Variants in ACER1 observed in about 807,000 individuals in gnomAD.
ACER1 encodes alkaline ceramidase 1, also known as CTB-180A7.3.
A neutral mutation model predicts 24.9 loss-of-function variants in ACER1; 28 were observed. The observed-to-expected ratio is 1.13, with a 90% CI of 0.83 to 1.54. The LOEUF is 1.54. ACER1 is among the 40% of genes most tolerant of loss of function. The probability of loss-of-function intolerance (pLI) is 0.00; values close to 1 mark genes in which losing one functional copy is unlikely to be tolerated. For synonymous variants in ACER1, 132 were observed against 131.4 expected (o/e 1.00, Z -0.03); for missense variants, 352 against 349.3 (o/e 1.01, Z -0.06).
In ACER1 at chr19:6,306,471, T is replaced by G; in HGVS notation, c.*243A>C. ...ACACAGAGGAGGAAATGAAAGAGGATGGGGGGGGTCATGGAGGGGAGATGC... is the reference window on the plus strand; with the variant it reads ...ACACAGAGGAGGAAATGAAAGAGGAGGGGGGGGGTCATGGAGGGGAGATGC... On this transcript the variant is annotated 3_prime_UTR_variant, in exon 6 of 6. Transcript: ENST00000301452. The G allele has an allele frequency of 2.2e-6, 1 of 462,458 alleles. No homozygotes were observed. The highest frequency in any genetic ancestry group is 3.9e-6 in the Non-Finnish European group (1 of 256,706). 28.6% of individuals were successfully genotyped at this position (462,458 alleles called of 1,614,324 possible). A position where few individuals can be genotyped will look rare whatever the true frequency, so the allele number is the denominator to read the frequency against.
At chr19:6,355,772 C>T in the ACER1 span, among the ~76,000 whole-genome samples, 1 of 146,378 alleles carries the variant, frequency 6.8e-6, no homozygotes, top group East Asian at 2.0e-4. Flanking sequence ...CCCCACCCGG[C>T]CAGCCGCCCC....
At chr19:6,340,723 T>C in the ACER1 span, among the ~76,000 whole-genome samples, 2 of 151,950 alleles carry the variant, frequency 1.3e-5, no homozygotes, top group African/African-American at 4.8e-5. Context: ...ACCGGAGAAC[T>C]TGAGTGATCA....
Position 6,306,587 on chromosome 19 carries a change from A to T in ACER1, c.*127T>A, listed in dbSNP as rs1475520387. 6.9e-6 allele frequency: 8 copies of T among 1,153,908 alleles called. No individual in the cohort carries two copies. The highest frequency in any genetic ancestry group is 8.5e-6 in the Non-Finnish European group (7 of 825,590). The allele number at this position is 1,153,908 out of a possible 1,614,324, so 71.5% of individuals were successfully genotyped here. ...CAAGGCAGGGCAGCGCAGGACAAGG[A>T]GGACACGGAAGGGGAAACAGAGGAA... is the stretch of plus-strand genomic sequence containing the variant. On this transcript the variant is annotated 3_prime_UTR_variant, in exon 6 of 6. Transcript: ENST00000301452.
chr19:6,326,459 C>G (rs2091662533), intron 1 of ACER1, among the ~76,000 whole-genome samples: 1 of 151,340 alleles, frequency 6.6e-6, no homozygotes, highest in Admixed American at 6.6e-5. Flanking sequence ...GTGATGGGGT[C>G]TTGCTATATT....
chr19:6,334,409 A>G (rs527557412), upstream of ACER1, among the ~76,000 whole-genome samples: 3 of 151,606 alleles, frequency 2.0e-5, no homozygotes, highest in South Asian at 4.2e-4. Context: ...TAGTGGCGCA[A>G]TGTCAGCTCA....
chr19:6,359,937 C>T, the ACER1 span, among the ~76,000 whole-genome samples: 2 of 152,122 alleles, frequency 1.3e-5, no homozygotes, highest in Non-Finnish European at 2.9e-5. Context: ...GTGTCAGGCA[C>T]TATTCTAGAC....
intron 5 of ACER1, 73 bp downstream of exon 5, chr19:6,307,080 G>C (rs2091556029): frequency 7.6e-6 from 12 of 1,588,456 alleles, no homozygotes; most frequent in Non-Finnish European, 1.0e-5. Flanking sequence ...CAGCCCCCAG[G>C]TGCCTACTCC....
intron 4 of ACER1, among the ~76,000 whole-genome samples, chr19:6,308,250 C>T (rs1369442584): frequency 6.6e-6 from 1 of 151,978 alleles, no homozygotes; most frequent in African/African-American, 2.4e-5. Context: ...GCCTGGCCAA[C>T]ATGGCGAAAC....
At chr19:6,354,291 A>G in the ACER1 span, among the ~76,000 whole-genome samples, 4 of 149,740 alleles carry the variant, frequency 2.7e-5, no homozygotes, top group East Asian at 7.9e-4. Flanking sequence ...TGTCTGAGAT[A>G]CTTTTTACTG....
At position 6,306,781 on chromosome 19, in the gene ACER1, C is replaced by T. The variant is rs1178832323; in HGVS notation, c.728G>A (p.Trp243Ter). ...CCCCACGGGCCAACTGTCCCGAGGCCAGTAGCGGACTTTGAGGGTTTCACC... is the reference window on the plus strand; with the variant it reads ...CCCCACGGGCCAACTGTCCCGAGGCTAGTAGCGGACTTTGAGGGTTTCACC... ...MPGETLKVRY[W>*]PRDSWPVGLP... Residue 243 changes from tryptophan (W) to a stop codon, truncating the protein, a stop_gained, in exon 6 of 6, where the codon TGG (tryptophan) becomes TAG (stop). Transcript: ENST00000301452. LOFTEE classifies it high-confidence loss of function. 3 of 1,614,058 alleles carry T rather than the reference C, an allele frequency of 1.9e-6. No homozygotes were observed. The highest frequency in any genetic ancestry group is 2.5e-6 in the Non-Finnish European group (3 of 1,180,026).
the ACER1 span, among the ~76,000 whole-genome samples, chr19:6,340,291 AGAAGGAAGGAAGGAAG>A: frequency 0.11 from 9,102 of 85,724 alleles, 901 homozygotes; most frequent in Non-Finnish European, 0.11. Flanking sequence ...AAAAAAAGAA[AGAAGGAAGGAAGGAAG>A]GAAGGAAGGA....
At position 6,309,835 on chromosome 19, in the gene ACER1, C is replaced by G. The variant is rs2091569100; in HGVS notation, c.351-1G>C. ...GAAGACCAGGCGGATGAACTGGGAC[C>G]TGGGGAGGAAGGGGCTCAGCTGTAG... On this transcript the variant is annotated splice_acceptor_variant, in intron 3 of 5. Transcript: ENST00000301452. LOFTEE classifies it high-confidence loss of function. 20 of 1,613,826 alleles carry G rather than the reference C, an allele frequency of 1.2e-5. No homozygotes were observed. Among genetic ancestry groups the G allele is most frequent in the Non-Finnish European group, 1.6e-5 (19 of 1,179,952 alleles).
chr19:6,309,806 T>C lies in ACER1; in HGVS notation c.379A>G (p.Thr127Ala). The C allele has an allele frequency of 6.2e-7, 1 of 1,613,892 alleles. No individual in the cohort carries two copies. The highest frequency in any genetic ancestry group is 8.5e-7 in the Non-Finnish European group (1 of 1,179,954). The change falls in exon 4 of 6, where the codon ACC becomes GCC. Residue 127 changes from threonine (T) to alanine (A), a missense_variant. Physicochemically the swap from Thr to Ala is moderately conservative, Grantham distance 58 (BLOSUM62 0). Transcript: ENST00000301452. ...RSQFIRLVFI[T>A]TVVSTLLSFL... The stretch of plus-strand genomic sequence containing the variant: ...GACAGAAGGGTGCTGACCACAGTGG[T>C]GATGAAGACCAGGCGGATGAACTGG...
At chr19:6,341,764 G>A in the ACER1 span, among the ~76,000 whole-genome samples, 1 of 152,054 alleles carries the variant, frequency 6.6e-6, no homozygotes, top group African/African-American at 2.4e-5. Flanking sequence ...AAATAGCTGG[G>A]ATTACAGGCA....
chr19:6,335,548 AC>A (rs1389191688), upstream of ACER1, among the ~76,000 whole-genome samples: 2 of 151,546 alleles, frequency 1.3e-5, no homozygotes, highest in Admixed American at 1.3e-4. Context: ...TAACAATCCT[AC>A]CCCGGGTGCT....
chr19:6,358,933 C>CA, the ACER1 span, among the ~76,000 whole-genome samples: 289 of 75,304 alleles, frequency 3.8e-3, 3 homozygotes, highest in East Asian at 0.015. Flanking sequence ...AACTCTGTCT[C>CA]AAAAAAAAAA....
upstream of ACER1, among the ~76,000 whole-genome samples, chr19:6,336,183 G>C (rs1394953974): frequency 6.6e-6 from 1 of 152,048 alleles, no homozygotes; most frequent in African/African-American, 2.4e-5. Flanking sequence ...TTACAGGCTT[G>C]AGCCACTGTG....
chr19:6,346,505 CT>C, the ACER1 span, among the ~76,000 whole-genome samples: 12 of 149,002 alleles, frequency 8.1e-5, no homozygotes, highest in African/African-American at 2.7e-4. Flanking sequence ...TCTTCTTCTT[CT>C]TTTTTTTCTT....
upstream of ACER1, among the ~76,000 whole-genome samples, chr19:6,334,841 TC>T (rs1481894977): frequency 6.6e-6 from 1 of 151,142 alleles, no homozygotes; most frequent in Non-Finnish European, 1.5e-5. Flanking sequence ...TAATGGGTTT[TC>T]TTTTTTTTTT....
Sources: gnomAD v4.1 joint callset for allele counts (sites outside exome capture counted in the v4.1 genomes callset) on GRCh38, gnomAD v4.1.1 for gene constraint, MANE v1.5 for transcripts, NCBI Gene and HGNC (gene_info 2026-07-23, HGNC 2026-07-21) for gene names.